Variants in FBRSL1 observed in about 807,000 individuals in gnomAD.
FBRSL1 encodes the protein fibrosin-1-like protein.
Under a neutral mutation model 89.6 loss-of-function variants are expected in FBRSL1, and 51 were observed. The observed-to-expected ratio is 0.57, with a 90% CI of 0.45 to 0.72. The LOEUF (loss-of-function observed/expected upper bound fraction) is 0.72. FBRSL1 is among the 30% of genes least tolerant of loss of function. The pLI, the probability that FBRSL1 is intolerant of heterozygous loss-of-function variation, is 0.00. For missense variants in FBRSL1, 1,618 were observed against 1,451.8 expected (o/e 1.11, Z -1.86); for synonymous variants, 779 against 681.1 (o/e 1.14, Z -2.24).
intron 2 of FBRSL1, among the ~76,000 whole-genome samples, chr12:132,523,339 A>C (rs768396435): frequency 6.6e-6 from 1 of 151,844 alleles, no homozygotes; most frequent in Non-Finnish European, 1.5e-5. Flanking sequence ...CAGAGCTAAA[A>C]CCGGCCACCC....
At chr12:132,524,462 G>C (rs898447151) in intron 2 of FBRSL1, among the ~76,000 whole-genome samples, 1 of 152,280 alleles carries the variant, frequency 6.6e-6, no homozygotes, top group African/African-American at 2.4e-5. Context: ...AGGGAGGCCT[G>C]TTGCTGCAGG....
In FBRSL1 at chr12:132,574,496, C is replaced by A; in HGVS notation, c.1633C>A (p.Pro545Thr). ...SDPYRAVVKK[P>T]GRWCAVHVQI... ...GAGCGCTTCCATCCTGTCGCAGAAG[C>A]CGGGGAGGTGGTGTGCCGTGCACGT... Residue 545 changes from proline (P) to threonine (T), a missense_variant, in exon 14 of 19, where the codon CCG (proline) becomes ACG (threonine). Pro to Thr is a conservative substitution (Grantham distance 38, BLOSUM62 -1). Transcript: ENST00000680143. 1 of 1,550,040 alleles carries A rather than the reference C, an allele frequency of 6.5e-7. No individual in the cohort carries two copies. Among genetic ancestry groups the A allele is most frequent in the Non-Finnish European group, 8.7e-7 (1 of 1,146,728 alleles).
intron 9 of FBRSL1, chr12:132,572,042 G>A (rs535012023): frequency 6.8e-5 from 38 of 561,264 alleles, no homozygotes; most frequent in Non-Finnish European, 7.3e-5. Context: ...CAGACTGCCT[G>A]GGGGGGCCGA....
At chr12:132,550,105 C>A (rs577871560) in intron 5 of FBRSL1, among the ~76,000 whole-genome samples, 1 of 151,322 alleles carries the variant, frequency 6.6e-6, no homozygotes, top group Non-Finnish European at 1.5e-5. Flanking sequence ...TTCCTGCACA[C>A]AGAGGGTCCC....
chr12:132,508,127 A>C (rs929957758), intron 1 of FBRSL1, 26 bp from the exon 2 acceptor site: 3 of 1,277,106 alleles, frequency 2.3e-6, no homozygotes, highest in African/African-American at 2.9e-5. Flanking sequence ...CCGCCAATTA[A>C]CTGGCGTTTC....
intron 2 of FBRSL1, among the ~76,000 whole-genome samples, chr12:132,524,956 T>C (rs2035662933): frequency 6.6e-6 from 1 of 152,120 alleles, no homozygotes; most frequent in Non-Finnish European, 1.5e-5. Context: ...TAGTTTCTAC[T>C]CGGGGCCACC....
At position 132,556,410 on chromosome 12, in the gene FBRSL1, C is replaced by G. The variant is rs938744022; in HGVS notation, c.645+8378C>G. Among the ~76,000 whole-genome samples the G allele has an allele frequency of 3.9e-5, 6 of 152,310 alleles. No individual in the cohort carries two copies. In the East Asian group the frequency reaches 9.7e-4, roughly 25 times the overall value. On this transcript the variant is annotated intron_variant, in intron 5 of 18. Coordinates refer to ENST00000680143, the MANE Select transcript of FBRSL1 (RefSeq NM_001367871.1). ...GCAACAGCAGGCGCAGGCCCTACCCCCCACGCCACGACTCAAGGCCCAAGC... is the reference window on the plus strand; with the variant it reads ...GCAACAGCAGGCGCAGGCCCTACCCGCCACGCCACGACTCAAGGCCCAAGC...
intron 2 of FBRSL1, 117 bp downstream of exon 2, chr12:132,508,467 C>T: frequency 8.4e-7 from 1 of 1,188,788 alleles, no homozygotes; most frequent in South Asian, 1.6e-5. Flanking sequence ...TGGCAGCGCG[C>T]CCATCGTTGT....
intron 2 of FBRSL1, chr12:132,510,735 G>A: frequency 8.3e-7 from 1 of 1,204,672 alleles, no homozygotes. Flanking sequence ...TCCCCCCACT[G>A]GCGTCACAGT....
In FBRSL1 at chr12:132,574,509, G is replaced by A; in HGVS notation, c.1646G>A (p.Cys549Tyr). The A allele has an allele frequency of 6.5e-7, 1 of 1,550,302 alleles. No homozygotes were observed. The highest frequency in any genetic ancestry group is 8.7e-7 in the Non-Finnish European group (1 of 1,146,820). The change falls in exon 14 of 19, where the codon TGT (cysteine) becomes TAT (tyrosine). Residue 549 changes from cysteine (C) to tyrosine (Y), a missense_variant. Coordinates refer to ENST00000680143, the MANE Select transcript of FBRSL1 (RefSeq NM_001367871.1). The part of the protein sequence containing the change: ...RAVVKKPGRW[C>Y]AVHVQIAWQI... ...CTGTCGCAGAAGCCGGGGAGGTGGT[G>A]TGCCGTGCACGTGCAGATCGCCTGG...
chr12:132,558,821 C>G (rs1400999352), intron 5 of FBRSL1, among the ~76,000 whole-genome samples: 1 of 152,260 alleles, frequency 6.6e-6, no homozygotes, highest in African/African-American at 2.4e-5. Flanking sequence ...GGCCACAGCT[C>G]CCACCTCAGT....
chr12:132,530,733 T>TGGGGGGAGGGGGAA (rs2036192949), intron 4 of FBRSL1, among the ~76,000 whole-genome samples: 1 of 9,694 alleles, frequency 1.0e-4, no homozygotes, highest in Non-Finnish European at 2.2e-4. Flanking sequence ...GGCTGGGGGG[T>TGGGGGGAGGGGGAA]GGGGGGAGGG....
rs907347584 is a variant in FBRSL1, at chr12:132,583,526, C to T, written c.2757C>T (p.Gly919=). The T allele has an allele frequency of 1.9e-6, 2 of 1,046,698 alleles. No homozygotes were observed. Among genetic ancestry groups the T allele is most frequent in the Admixed American group, 5.9e-5 (1 of 16,942 alleles). 64.8% of individuals were successfully genotyped at this position (1,046,698 alleles called of 1,614,324 possible). Residue 919 remains glycine, a synonymous_variant, in exon 19 of 19, where the codon GGC becomes GGT. Coordinates refer to ENST00000680143, the MANE Select transcript of FBRSL1 (RefSeq NM_001367871.1). ...CGCCCGCCGCCCCCGCCTTGGACGG[C>T]GCGCTGCTGCCCTCGCTGGGAGCCC... ...HLPPAAPALD[G]ALLPSLGALH...
intron 15 of FBRSL1, among the ~76,000 whole-genome samples, chr12:132,580,018 G>A (rs978411528): frequency 1.3e-5 from 2 of 152,176 alleles, no homozygotes; most frequent in East Asian, 3.8e-4. Context: ...AATTCTTAAT[G>A]TTGCTTGGCT....
At chr12:132,574,409 C>T (rs1287979091) in intron 13 of FBRSL1, 61 bp downstream of exon 13, 18 of 1,548,350 alleles carry the variant, frequency 1.2e-5, no homozygotes, top group South Asian at 6.0e-5. Flanking sequence ...GGGGCGGCCT[C>T]GGGGGGCCCG....
chr12:132,517,614 C>T (rs2034960266), intron 2 of FBRSL1, among the ~76,000 whole-genome samples: 2 of 152,188 alleles, frequency 1.3e-5, no homozygotes, highest in East Asian at 1.9e-4. Flanking sequence ...GGAGAGAAGG[C>T]ACCGTTAGAC....
At chr12:132,545,925 C>T (rs1239656386) in intron 4 of FBRSL1, among the ~76,000 whole-genome samples, 1 of 152,218 alleles carries the variant, frequency 6.6e-6, no homozygotes, top group Non-Finnish European at 1.5e-5. Flanking sequence ...GGGCACCTGA[C>T]TCCCCTGCAG....
chr12:132,574,391 G>T, intron 13 of FBRSL1, 43 bp downstream of exon 13: 2 of 1,549,560 alleles, frequency 1.3e-6, no homozygotes, highest in South Asian at 2.4e-5. Context: ...GAGGACTCTG[G>T]TGCCCCCGGG....
Position 132,531,550 on chromosome 12 carries a change from CGTGT to C in FBRSL1, c.615+3576_615+3579del, listed in dbSNP as rs35736267. On this transcript the variant is annotated intron_variant, in intron 4 of 18. Coordinates refer to ENST00000680143, the MANE Select transcript of FBRSL1 (RefSeq NM_001367871.1). Reference sequence around the variant, plus strand: ...GTTCCTCTCTGGGCCTCTGTGTGTGCGTGTGTGTGTGTGTGTGCACCCGCGTGTG... The same window carrying C: ...GTTCCTCTCTGGGCCTCTGTGTGTGCGTGTGTGTGTGTGCACCCGCGTGTG... 1.1e-4 allele frequency among the ~76,000 whole-genome samples: 17 copies of C among 150,540 alleles called. No individual in the cohort carries two copies. In the East Asian group the frequency reaches 2.0e-3, roughly 17 times the overall value.
Sources: allele counts gnomAD v4.1 joint callset (sites outside exome capture counted in the v4.1 genomes callset), GRCh38; gene constraint gnomAD v4.1.1; transcripts MANE v1.5; gene names NCBI Gene and HGNC (gene_info 2026-07-23, HGNC 2026-07-21).